POM121: variants seen among roughly 807,000 people sequenced by gnomAD.
The protein encoded by POM121 is nuclear envelope pore membrane protein POM 121.
Under a neutral mutation model 81.3 loss-of-function variants are expected in POM121, and 32 were observed. The ratio of observed to expected loss-of-function variants is 0.39; its 90% confidence interval spans 0.30 to 0.53. The LOEUF (loss-of-function observed/expected upper bound fraction) is 0.53, where lower values mean the gene tolerates loss of function less well. Ranked by LOEUF, POM121 falls within the 20% of genes least tolerant of loss-of-function variation. POM121 has a pLI of 0.66. For missense variants in POM121, 1,138 were observed against 1,614.6 expected (o/e 0.70, Z 5.06); for synonymous variants, 514 against 694.2 (o/e 0.74, Z 4.08).
chr7:72,929,866 T>A (rs1324413142), intron 4 of POM121, 74 bp from the exon 5 acceptor site: 1 of 1,475,306 alleles, frequency 6.8e-7, no homozygotes, highest in Non-Finnish European at 9.0e-7. Flanking sequence ...TTAAGAAAGA[T>A]GTCATGACCG....
In POM121 at chr7:72,946,893, C is replaced by CT. The variant is rs1554503426; in HGVS notation, c.*660dup. 2 of 922,106 alleles carry CT rather than the reference C, an allele frequency of 2.2e-6. No homozygotes were observed. Among genetic ancestry groups the CT allele is most frequent in the African/African-American group, 4.0e-5 (2 of 49,580 alleles). 57.1% of individuals were successfully genotyped at this position (922,106 alleles called of 1,614,324 possible). On this transcript the variant is annotated 3_prime_UTR_variant, in exon 13 of 13. Transcript: ENST00000434423. ...GAATCAATGTTTCATCTCCAACCCT[C>CT]TGCCAGTTTGGCCCCTCAGAGCTTG...
chr7:72,921,685 A>C (rs569975445), upstream of POM121, among the ~76,000 whole-genome samples: 20 of 152,366 alleles, frequency 1.3e-4, no homozygotes, highest in African/African-American at 3.1e-4. Flanking sequence ...CTGGATCAGC[A>C]GACTGCCAGA....
At chr7:72,890,722 G>T (rs1253689440) in exon 2 of POM121, 5 of 1,602,008 alleles carry the variant, frequency 3.1e-6, no homozygotes, top group Non-Finnish European at 4.3e-6. Flanking sequence ...GGGATGTGAT[G>T]TTGGAGAACT....
Position 72,925,696 on chromosome 7 carries a change from A to T in POM121, c.575A>T (p.His192Leu). The T allele has an allele frequency of 7.5e-6, 5 of 665,236 alleles. No individual in the cohort carries two copies. The highest frequency in any genetic ancestry group is 8.8e-6 in the Non-Finnish European group (5 of 569,144). 41.2% of individuals were successfully genotyped at this position (665,236 alleles called of 1,614,324 possible). A position where few individuals can be genotyped will look rare whatever the true frequency, so the allele number is the denominator to read the frequency against. ...TCCCCCCCGCCCTCCCCGCCGACCC[A>T]TCGCGCTCACCACGTTTACCCCTCT... is the stretch of plus-strand genomic sequence containing the variant. ...PRSPPPSPPTHRAHHVYPSLP... is the reference protein window; with the variant it reads ...PRSPPPSPPTLRAHHVYPSLP... The change falls in exon 1 of 13, where the codon CAT becomes CTT. Residue 192 changes from histidine to leucine, a missense_variant. Transcript: ENST00000434423.
At chr7:72,950,640 G>C, downstream of POM121, 1 of 130,976 alleles carries the variant, frequency 7.6e-6, no homozygotes, top group South Asian at 1.1e-4. Flanking sequence ...GAGGCGCTTA[G>C]GTTAAAACTA....
intron 3 of POM121, among the ~76,000 whole-genome samples, chr7:72,891,566 C>G (rs1431958094): frequency 6.6e-6 from 1 of 152,146 alleles, no homozygotes; most frequent in Non-Finnish European, 1.5e-5. Flanking sequence ...GCCACCAAGC[C>G]TGGCTAATTT....
intron 3 of POM121, among the ~76,000 whole-genome samples, chr7:72,900,852 T>C (rs1792545627): frequency 1.3e-5 from 2 of 152,086 alleles, no homozygotes; most frequent in African/African-American, 4.8e-5. Context: ...TTTGTGGTTA[T>C]TTTGCTCTTT....
chr7:72,890,821 A>C, intron 2 of POM121: 1 of 1,502,722 alleles, frequency 6.7e-7, no homozygotes, highest in Non-Finnish European at 9.2e-7. Flanking sequence ...TGAAGAAATA[A>C]GTGACAACAC....
At position 72,925,443 on chromosome 7, in the gene POM121, T is replaced by A. The variant is rs528735287; in HGVS notation, c.322T>A (p.Ser108Thr). 3.6e-4 allele frequency: 554 copies of A among 1,533,824 alleles called. 5 individuals are homozygous for A. The highest frequency in any genetic ancestry group is 3.8e-5 in the Non-Finnish European group (44 of 1,146,586). The change falls in exon 1 of 13, where the codon TCG (serine) becomes ACG (threonine). Residue 108 changes from serine (S) to threonine (T), a missense_variant. By Grantham distance (58) the Ser-to-Thr change is moderately conservative. Around this residue, in one of 7 missense-constraint regions of POM121, gnomAD observed 646 missense variants for 633.5 expected, o/e 1.02. Coordinates refer to ENST00000434423, the MANE Select transcript of POM121 (RefSeq NM_001387691.1). ...GCGTCATCGGCGAACACTGTTCGCT[T>A]CGCCTCTGGCCAAGTCGACAGCCAA... ...KARHRRTLFA[S>T]PLAKSTANGN...
intron 11 of POM121, 46 bp from the exon 12 acceptor site, chr7:72,945,540 C>T (rs782553762): frequency 1.2e-6 from 2 of 1,610,772 alleles, no homozygotes; most frequent in East Asian, 2.2e-5. Flanking sequence ...CCTCGCTTGC[C>T]TCTGCCCTCT....
intron 3 of POM121, among the ~76,000 whole-genome samples, chr7:72,898,979 CTTTTTT>C (rs1176371162): frequency 6.2e-4 from 21 of 34,104 alleles, no homozygotes; most frequent in South Asian, 1.6e-3. Context: ...CTTTTCTTTT[CTTTTTT>C]TTTTTTTTTT....
intron 4 of POM121, among the ~76,000 whole-genome samples, chr7:72,914,221 G>A: frequency 6.6e-6 from 1 of 152,188 alleles, no homozygotes; most frequent in Non-Finnish European, 1.5e-5. Context: ...TTGAAGTCCT[G>A]GCTGACAGCC....
chr7:72,930,251 TCAAAAC>T, intron 5 of POM121, 140 bp downstream of exon 5: 1 of 1,245,178 alleles, frequency 8.0e-7, no homozygotes. Flanking sequence ...GCCCAGGAGT[TCAAAAC>T]CAGCCTGGGC....
chr7:72,904,452 G>A (rs1793032859), intron 3 of POM121, among the ~76,000 whole-genome samples: 1 of 152,150 alleles, frequency 6.6e-6, no homozygotes, highest in African/African-American at 2.4e-5. Flanking sequence ...GTGAGTTCTG[G>A]GTTAGGTGAA....
At chr7:72,918,657 G>T (rs1554495460) in intron 4 of POM121, among the ~76,000 whole-genome samples, 1 of 151,968 alleles carries the variant, frequency 6.6e-6, no homozygotes, top group African/African-American at 2.4e-5. Flanking sequence ...TCGGTCTCTT[G>T]CCTCGGCACC....
intron 1 of POM121, among the ~76,000 whole-genome samples, chr7:72,886,465 C>T (rs56213222): frequency 0.011 from 1,721 of 152,330 alleles, 16 homozygotes; most frequent in Non-Finnish European, 0.02. Flanking sequence ...TGAGCCAACA[C>T]ACTTGGCCCA....
At chr7:72,886,187 ATTTT>A (rs1417978684) in intron 1 of POM121, among the ~76,000 whole-genome samples, 346 of 150,918 alleles carry the variant, frequency 2.3e-3, no homozygotes, top group African/African-American at 6.8e-3. Flanking sequence ...TTATTTATTT[ATTTT>A]GAGACAGAGT....
intron 5 of POM121, among the ~76,000 whole-genome samples, chr7:72,930,958 A>T (rs188952514): frequency 7.1e-4 from 108 of 152,236 alleles, no homozygotes; most frequent in African/African-American, 2.5e-3. Context: ...TTTAAAAAGC[A>T]CCTATTACAG....
chr7:72,909,780 T>G (rs1469555952), intron 3 of POM121, among the ~76,000 whole-genome samples: 1 of 152,186 alleles, frequency 6.6e-6, no homozygotes, highest in Non-Finnish European at 1.5e-5. Context: ...CCTGAGTAGC[T>G]GGGACCAGCG....
Sources: allele counts gnomAD v4.1 joint callset (sites outside exome capture counted in the v4.1 genomes callset), GRCh38; gene constraint gnomAD v4.1.1; regional missense constraint gnomAD v4.1.1; transcripts MANE v1.5; gene names NCBI Gene and HGNC (gene_info 2026-07-23, HGNC 2026-07-21).